The following TRDN variants were observed in gnomAD, a reference collection of about 807,000 sequenced individuals.
TRDN encodes the protein triadin.
A neutral mutation model predicts 149.7 loss-of-function variants in TRDN; 161 were observed. That is an observed-to-expected ratio of 1.08 (90% CI 0.95 to 1.23). The LOEUF (loss-of-function observed/expected upper bound fraction) is 1.23. Among genes scored for constraint, TRDN ranks in the 50% most tolerant of loss-of-function variants. The pLI is 0.00. For synonymous variants in TRDN, 294 were observed against 250.5 expected, an observed-to-expected ratio of 1.17 and a Z score of -1.64; for missense variants, 896 against 823.5, an observed-to-expected ratio of 1.09 and a Z score of -1.08.
intron 9 of TRDN, among the ~76,000 whole-genome samples, chr6:123,473,692 G>C (rs1028445811): frequency 4.0e-5 from 6 of 151,654 alleles, no homozygotes; most frequent in South Asian, 2.1e-4. Flanking sequence ...GGCAGCCAGA[G>C]AGAAAGGTCG....
At chr6:123,509,077 A>G (rs1338170296) in intron 7 of TRDN, among the ~76,000 whole-genome samples, 2 of 152,126 alleles carry the variant, frequency 1.3e-5, no homozygotes, top group East Asian at 1.9e-4. Flanking sequence ...ACACATATAT[A>G]CATATGCATA....
At chr6:123,292,117 T>C (rs193015162) in intron 24 of TRDN, among the ~76,000 whole-genome samples, 93 of 152,294 alleles carry the variant, frequency 6.1e-4, no homozygotes, top group Middle Eastern at 3.4e-3. Context: ...TGGATCTTGA[T>C]TTTTGTTTTG....
At chr6:123,305,141 C>T (rs527296302) in intron 24 of TRDN, among the ~76,000 whole-genome samples, 3 of 152,180 alleles carry the variant, frequency 2.0e-5, no homozygotes, top group East Asian at 3.9e-4. Flanking sequence ...TCACATTTTA[C>T]AATATGTCCA....
At chr6:123,392,350 C>T (rs1267442646) in intron 13 of TRDN, among the ~76,000 whole-genome samples, 1 of 151,996 alleles carries the variant, frequency 6.6e-6, no homozygotes, top group Non-Finnish European at 1.5e-5. Context: ...GCTGAAGTAA[C>T]TAACACAAAA....
intron 9 of TRDN, among the ~76,000 whole-genome samples, chr6:123,468,126 C>T (rs4434492): frequency 0.13 from 19,117 of 152,084 alleles, 1,701 homozygotes; most frequent in South Asian, 0.28. Flanking sequence ...AGATTTGAAG[C>T]TGACTTTTGA....
chr6:123,410,402 A>G (rs1773383963), intron 12 of TRDN, among the ~76,000 whole-genome samples: 1 of 152,252 alleles, frequency 6.6e-6, no homozygotes, highest in Non-Finnish European at 1.5e-5. Flanking sequence ...CTGCACTCAC[A>G]AAAATTACCA....
intron 22 of TRDN, 49 bp from the exon 23 acceptor site, chr6:123,331,978 T>G (rs1399598941): frequency 1.4e-6 from 2 of 1,393,104 alleles, no homozygotes; most frequent in Admixed American, 2.3e-5. Flanking sequence ...AAAGAGATTT[T>G]CAGATACCTA....
chr6:123,390,519 A>T (rs1782067581), intron 13 of TRDN, among the ~76,000 whole-genome samples: 1 of 152,110 alleles, frequency 6.6e-6, no homozygotes, highest in Non-Finnish European at 1.5e-5. Flanking sequence ...ATCATAACTG[A>T]TTCTGGTTTC....
Position 123,442,575 on chromosome 6 carries a change from A to T in TRDN, c.932-3572T>A, listed in dbSNP as rs1484007323. Among the ~76,000 whole-genome samples, 2 of 150,958 alleles carry T rather than the reference A, an allele frequency of 1.3e-5. 1 individual carries two copies. Among genetic ancestry groups the T allele is most frequent in the African/African-American group, 4.9e-5 (2 of 41,234 alleles). ...AAAAAAAAAAAAGAAAAAAAAAAAA[A>T]GTCTACCTTGCTTACTTGTGAGAAA... On this transcript the variant is annotated intron_variant, in intron 10 of 40. Coordinates refer to ENST00000334268, the MANE Select transcript of TRDN (RefSeq NM_006073.4).
chr6:123,489,553 A>C (rs1316844938), intron 9 of TRDN: 1 of 152,180 alleles, frequency 6.6e-6, no homozygotes, highest in Non-Finnish European at 1.5e-5. Flanking sequence ...AACAGAACAA[A>C]ACCCATTATA....
intron 33 of TRDN, among the ~76,000 whole-genome samples, chr6:123,265,085 T>C (rs1268599104): frequency 1.3e-5 from 2 of 152,034 alleles, no homozygotes; most frequent in African/African-American, 2.4e-5. Context: ...ATGTGCTTAT[T>C]GGTCTAGGGC....
chr6:123,429,127 C>G (rs1774236630), intron 12 of TRDN: 1 of 152,012 alleles, frequency 6.6e-6, no homozygotes, highest in Non-Finnish European at 1.5e-5. Flanking sequence ...CCATTGTTTC[C>G]TAGAATTAGA....
chr6:123,472,023 C>T (rs1024565585), intron 9 of TRDN, among the ~76,000 whole-genome samples: 16 of 152,192 alleles, frequency 1.1e-4, no homozygotes, highest in East Asian at 3.9e-4. Flanking sequence ...AAATGGTCTC[C>T]GGAAGGATAA....
intron 10 of TRDN, among the ~76,000 whole-genome samples, chr6:123,454,444 C>T (rs1775981689): frequency 6.6e-6 from 1 of 152,116 alleles, no homozygotes; most frequent in Admixed American, 6.5e-5. Context: ...AGAAATTATA[C>T]TATTAGAATA....
intron 15 of TRDN, among the ~76,000 whole-genome samples, chr6:123,381,654 G>C (rs1466329224): frequency 1.3e-5 from 2 of 151,964 alleles, no homozygotes; most frequent in Non-Finnish European, 2.9e-5. Context: ...ATTTACACCT[G>C]ATATGTAATA....
chr6:123,539,206 T>C (rs1440860453), intron 4 of TRDN, among the ~76,000 whole-genome samples: 1 of 152,224 alleles, frequency 6.6e-6, no homozygotes, highest in East Asian at 1.9e-4. Flanking sequence ...GTGAAACTAC[T>C]GTCTTGATCA....
intron 14 of TRDN, among the ~76,000 whole-genome samples, chr6:123,383,938 T>C (rs1781813681): frequency 6.6e-6 from 1 of 152,172 alleles, no homozygotes; most frequent in South Asian, 2.1e-4. Flanking sequence ...TTAAACACTG[T>C]TGTGTCCAGC....
At chr6:123,280,635 T>C (rs925804955) in intron 24 of TRDN, among the ~76,000 whole-genome samples, 4 of 144,904 alleles carry the variant, frequency 2.8e-5, no homozygotes, top group Admixed American at 1.5e-4. Context: ...TTTCTTTTTG[T>C]TCCTCTTCTT....
chr6:123,396,107 G>C (rs755984104), intron 12 of TRDN, among the ~76,000 whole-genome samples: 1 of 152,070 alleles, frequency 6.6e-6, no homozygotes, highest in African/African-American at 2.4e-5. Context: ...GGGAGGAATC[G>C]ACCCTGAGTC....
Sources: gnomAD v4.1 joint callset for allele counts (sites outside exome capture counted in the v4.1 genomes callset) on GRCh38, gnomAD v4.1.1 for gene constraint, MANE v1.5 for transcripts, NCBI Gene and HGNC (gene_info 2026-07-23, HGNC 2026-07-21) for gene names.